The following BRSK2 variants were observed in gnomAD, a reference collection of about 807,000 sequenced individuals.
BRSK2 encodes the protein BR serine/threonine kinase 2, also known as serine/threonine-protein kinase BRSK2.
A neutral mutation model predicts 83.3 loss-of-function variants in BRSK2; 19 were observed. The ratio of observed to expected loss-of-function variants is 0.23; its 90% CI spans 0.16 to 0.33. BRSK2 has a LOEUF of 0.33. Ranked by LOEUF, BRSK2 falls within the 10% of genes least tolerant of loss-of-function variation. The probability of loss-of-function intolerance (pLI) is 1.00; values close to 1 mark genes in which losing one functional copy is unlikely to be tolerated. For missense variants in BRSK2, 798 were observed against 1,042.3 expected, an observed-to-expected ratio of 0.77 and a Z score of 3.23; for synonymous variants, 519 against 435.4, an observed-to-expected ratio of 1.19 and a Z score of -2.39.
At chr11:1,415,018 G>A (rs1185820970) in intron 1 of BRSK2, among the ~76,000 whole-genome samples, 2 of 152,056 alleles carry the variant, frequency 1.3e-5, no homozygotes, top group East Asian at 3.9e-4. Context: ...CTGTGGACGT[G>A]TGTGTGAGTA....
At position 1,440,772 on chromosome 11, in the gene BRSK2, GC is replaced by G; in HGVS notation, c.273-12del. 1.3e-6 allele frequency: 2 copies of G among 1,555,192 alleles called. No individual in the cohort carries two copies. On this transcript the variant is annotated splice_polypyrimidine_tract_variant and intron_variant, in intron 3 of 19. Coordinates refer to ENST00000528841, the MANE Select transcript of BRSK2 (RefSeq NM_001256627.2). The stretch of plus-strand genomic sequence containing the variant: ...GCAGCCACAGCTGGGCGCACTGGTG[GC>G]CCCGTCTCCTGCAGGTACCTGGTGC...
intron 12 of BRSK2, among the ~76,000 whole-genome samples, chr11:1,448,318 C>T (rs558823556): frequency 2.0e-4 from 30 of 152,298 alleles, no homozygotes; most frequent in Middle Eastern, 3.4e-3. Context: ...CGAGCCTGGG[C>T]GGGTGGCGCC....
intron 1 of BRSK2, among the ~76,000 whole-genome samples, chr11:1,394,066 C>A (rs1204648257): frequency 7.6e-6 from 1 of 131,196 alleles, no homozygotes; most frequent in East Asian, 2.4e-4. Context: ...GAGATGGGTC[C>A]TGGAGATGGG....
At chr11:1,446,071 G>A (rs866533008) in intron 12 of BRSK2, among the ~76,000 whole-genome samples, 164 bp downstream of exon 12, 2,920 of 144,072 alleles carry the variant, frequency 0.02, 84 homozygotes, top group African/African-American at 0.06. Flanking sequence ...GGCTGGGCTT[G>A]GCTGGGCTGG....
intron 1 of BRSK2, among the ~76,000 whole-genome samples, chr11:1,391,718 C>G (rs1409785567): frequency 6.6e-6 from 1 of 152,190 alleles, no homozygotes; most frequent in Non-Finnish European, 1.5e-5. Context: ...GAAAGAAAAA[C>G]TAGTGTGTGA....
chr11:1,439,351 G>T (rs1224182685), intron 3 of BRSK2, among the ~76,000 whole-genome samples: 2 of 152,152 alleles, frequency 1.3e-5, no homozygotes, highest in Non-Finnish European at 2.9e-5. Flanking sequence ...CCAGGGTTGG[G>T]GTGTGGGGAG....
chr11:1,456,172 C>T (rs923548250), intron 16 of BRSK2, among the ~76,000 whole-genome samples, 176 bp from the exon 17 acceptor site: 3 of 151,774 alleles, frequency 2.0e-5, no homozygotes, highest in South Asian at 2.1e-4. Context: ...GGGCTGGAAA[C>T]GCCCCTCCCC....
intron 1 of BRSK2, among the ~76,000 whole-genome samples, chr11:1,424,082 C>T (rs776967179): frequency 9.2e-5 from 14 of 151,846 alleles, no homozygotes; most frequent in African/African-American, 3.1e-4. Flanking sequence ...CACATTCATG[C>T]GCCCCAGGCA....
chr11:1,445,935 T>A, intron 12 of BRSK2, 28 bp downstream of exon 12: 2 of 1,585,292 alleles, frequency 1.3e-6, no homozygotes, highest in Non-Finnish European at 1.7e-6. Flanking sequence ...CTGCTGGGCC[T>A]CCCTCCCTGG....
Position 1,462,624 on chromosome 11 carries a change from A to G in BRSK2, c.*1901A>G, listed in dbSNP as rs1225380763. ...GCCACGGAAATGGGCAAGCCCCTGC[A>G]GTGTACCCCTGTCATAACTGTGAGC... On this transcript the variant is annotated 3_prime_UTR_variant, in exon 20 of 20. Transcript: ENST00000528841. The G allele has an allele frequency of 1.3e-5, 2 of 152,254 alleles. No individual in the cohort carries two copies. The highest frequency in any genetic ancestry group is 4.8e-5 in the African/African-American group (2 of 41,464). The allele number at this position is 152,254 out of a possible 1,614,324, so 9.4% of individuals were successfully genotyped here.
Position 1,423,906 on chromosome 11 carries a change from G to A in BRSK2, c.92-12134G>A, listed in dbSNP as rs1330496573. Among the ~76,000 whole-genome samples, 2 of 149,822 alleles carry A rather than the reference G, an allele frequency of 1.3e-5. No homozygotes were observed. The highest frequency in any genetic ancestry group is 2.1e-4 in the South Asian group (1 of 4,764). ...ACCCCCATCTTGCTTTCACCCTCAC[G>A]TGGCGCCCCCATCCCACCCCGTGTG... On this transcript the variant is annotated intron_variant, in intron 1 of 19. Transcript: ENST00000528841. This position sits in a 1 kb window ranked among gnomAD's most constrained non-coding sequence, Gnocchi z 6.5.
chr11:1,425,678 G>T (rs187964502), intron 1 of BRSK2, among the ~76,000 whole-genome samples: 4 of 152,204 alleles, frequency 2.6e-5, no homozygotes, highest in Non-Finnish European at 4.4e-5. Flanking sequence ...CCACACCCCC[G>T]CTCGTCTCCC....
At position 1,426,089 on chromosome 11, in the gene BRSK2, A is replaced by G. The variant is rs553483215; in HGVS notation, c.92-9951A>G. 5.9e-5 allele frequency among the ~76,000 whole-genome samples: 9 copies of G among 152,320 alleles called. No homozygotes were observed. The South Asian group carries it at 1.7e-3, about 28-fold the overall frequency. ...GCTCCTAGCCTGTGCGCGCCCATTC[A>G]GGAAAGCAAACACCAGCACACACCG... On this transcript the variant is annotated intron_variant, in intron 1 of 19. Coordinates refer to ENST00000528841, the MANE Select transcript of BRSK2 (RefSeq NM_001256627.2).
Position 1,452,959 on chromosome 11 carries a change from C to T in BRSK2, c.1545-1526C>T, listed in dbSNP as rs561557054. Among the ~76,000 whole-genome samples the T allele has an allele frequency of 2.0e-5, 3 of 152,332 alleles. No individual in the cohort carries two copies. The East Asian group carries it at 5.8e-4, about 29-fold the overall frequency. ...CAGCACCAAGGGAGGCAGCTGGCTT[C>T]AGGAAGGGATGCATGCGGTTGTCTG... On this transcript the variant is annotated intron_variant, in intron 15 of 19. Transcript: ENST00000528841.
intron 1 of BRSK2, among the ~76,000 whole-genome samples, chr11:1,393,248 C>T (rs563771200): frequency 5.1e-5 from 7 of 136,008 alleles, no homozygotes; most frequent in East Asian, 2.0e-4. Flanking sequence ...TGTCCCTGCG[C>T]GCCTTTGTCC....
At chr11:1,413,948 C>T (rs946006509) in intron 1 of BRSK2, among the ~76,000 whole-genome samples, 19 of 152,234 alleles carry the variant, frequency 1.2e-4, no homozygotes, top group African/African-American at 4.6e-4. Context: ...CTGCCTCCCA[C>T]ACTGGACACA....
At chr11:1,456,864 T>C (rs1846628224) in intron 18 of BRSK2, 177 bp downstream of exon 18, 8 of 1,454,424 alleles carry the variant, frequency 5.5e-6, no homozygotes, top group Non-Finnish European at 7.5e-6. Flanking sequence ...AGCCCCTCCC[T>C]GGCCTGGCGG....
At chr11:1,419,738 C>T (rs1648756057) in intron 1 of BRSK2, among the ~76,000 whole-genome samples, 1 of 152,284 alleles carries the variant, frequency 6.6e-6, no homozygotes, top group African/African-American at 2.4e-5. Flanking sequence ...AGTGAAACCC[C>T]GTCTCTACTA....
At chr11:1,449,671 G>T in intron 12 of BRSK2, 105 bp from the exon 13 acceptor site, 1 of 941,494 alleles carries the variant, frequency 1.1e-6, no homozygotes, top group Non-Finnish European at 1.6e-6. Context: ...CTCTTGGCCC[G>T]GGCTCCAGGC....
Sources: allele counts gnomAD v4.1 joint callset (sites outside exome capture counted in the v4.1 genomes callset), GRCh38; gene constraint gnomAD v4.1.1; non-coding constraint Gnocchi (gnomAD v3.1); transcripts MANE v1.5; gene names NCBI Gene and HGNC (gene_info 2026-07-23, HGNC 2026-07-21).